The following ATP1B3 variants were observed in gnomAD, a reference collection of about 807,000 sequenced individuals.
The protein encoded by ATP1B3 is sodium/potassium-transporting ATPase subunit beta-3.
A neutral mutation model predicts 30.2 loss-of-function variants in ATP1B3; 10 were observed. That is an observed-to-expected ratio of 0.33 (90% CI 0.20 to 0.56). The LOEUF (loss-of-function observed/expected upper bound fraction) is 0.56. Among genes scored for constraint, ATP1B3 ranks in the 20% least tolerant of loss-of-function variants. The pLI is 0.90. For missense variants in ATP1B3, 238 were observed against 336.7 expected (o/e 0.71, Z 2.29); for synonymous variants, 113 against 117.0 (o/e 0.97, Z 0.22).
At chr3:141,889,545 A>T (rs1247485741) in intron 1 of ATP1B3, among the ~76,000 whole-genome samples, 2 of 151,832 alleles carry the variant, frequency 1.3e-5, no homozygotes, top group Non-Finnish European at 2.9e-5. Flanking sequence ...CCTGGCCAAC[A>T]TGGTGAAACC....
chr3:141,922,390 C>T (rs1047380783), intron 6 of ATP1B3, among the ~76,000 whole-genome samples: 8 of 151,520 alleles, frequency 5.3e-5, no homozygotes, highest in African/African-American at 1.9e-4. Context: ...CGGTGGCTTA[C>T]TCCTGTAATC....
chr3:141,911,323 A>G (rs1353613273), intron 3 of ATP1B3, among the ~76,000 whole-genome samples: 5 of 152,050 alleles, frequency 3.3e-5, no homozygotes, highest in African/African-American at 7.2e-5. Flanking sequence ...ACTGCTGTCA[A>G]TCCTTATGCC....
chr3:141,885,226 T>C (rs960302858), intron 1 of ATP1B3, among the ~76,000 whole-genome samples: 2 of 152,216 alleles, frequency 1.3e-5, no homozygotes, highest in Non-Finnish European at 2.9e-5. Flanking sequence ...ATATCCCCAT[T>C]ACTAGTACTA....
chr3:141,919,927 ACT>A (rs775255699), intron 5 of ATP1B3, among the ~76,000 whole-genome samples: 67 of 151,924 alleles, frequency 4.4e-4, no homozygotes, highest in Non-Finnish European at 9.1e-4. Flanking sequence ...CAACAGAGCA[ACT>A]CTGTCTCAAA....
chr3:141,879,622 A>C lies in ATP1B3; in HGVS notation c.109+2712A>C, dbSNP rs1933681077. 2.0e-5 allele frequency among the ~76,000 whole-genome samples: 3 copies of C among 151,720 alleles called. No homozygotes were observed. The South Asian group carries it at 6.3e-4, about 32-fold the overall frequency. ...CCCTGTCTCTACTAAAAATGAAAAAAAAAAAAATTAGCCGGGTGTGGTGGC... is the reference window on the plus strand; with the variant it reads ...CCCTGTCTCTACTAAAAATGAAAAACAAAAAAATTAGCCGGGTGTGGTGGC... On this transcript the variant is annotated intron_variant, in intron 1 of 6. Transcript: ENST00000286371.
intron 1 of ATP1B3, among the ~76,000 whole-genome samples, chr3:141,891,578 A>G (rs1933953984): frequency 6.6e-6 from 1 of 152,132 alleles, no homozygotes; most frequent in South Asian, 2.1e-4. Context: ...AATGTATTGA[A>G]TGGTTTTGGT....
chr3:141,894,768 T>C (rs1934028289), intron 1 of ATP1B3, among the ~76,000 whole-genome samples: 1 of 152,174 alleles, frequency 6.6e-6, no homozygotes, highest in Non-Finnish European at 1.5e-5. Flanking sequence ...TCCTGAAGGA[T>C]TGCCTGAGGC....
At chr3:141,915,651 ATAT>A (rs1486483790) in intron 4 of ATP1B3, among the ~76,000 whole-genome samples, 6 of 152,194 alleles carry the variant, frequency 3.9e-5, no homozygotes, top group South Asian at 2.1e-4. Context: ...GTTCATATAA[ATAT>A]TAATAATTAG....
intron 5 of ATP1B3, chr3:141,916,665 C>A: frequency 1.1e-6 from 1 of 943,388 alleles, no homozygotes; most frequent in Non-Finnish European, 1.4e-6. Context: ...AAATATTTTA[C>A]TTAGAATGTT....
chr3:141,906,381 T>C (rs777141917), intron 2 of ATP1B3, among the ~76,000 whole-genome samples: 29 of 152,304 alleles, frequency 1.9e-4, no homozygotes, highest in Non-Finnish European at 3.2e-4. Flanking sequence ...GGTTTCACTA[T>C]ATTGGCCAGG....
Position 141,925,771 on chromosome 3 carries a change from C to T in ATP1B3, c.*70C>T. 1 of 1,537,028 alleles carries T rather than the reference C, an allele frequency of 6.5e-7. No homozygotes were observed. The highest frequency in any genetic ancestry group is 2.3e-5 in the East Asian group (1 of 44,392). On this transcript the variant is annotated 3_prime_UTR_variant, in exon 7 of 7. Coordinates refer to ENST00000286371, the MANE Select transcript of ATP1B3 (RefSeq NM_001679.4). ...TTCATTTTGTAACAGCTGGACCTTC[C>T]ATTCTAGAATTATGAGACCACCTTG...
At chr3:141,915,651 A>G (rs577746661) in intron 4 of ATP1B3, among the ~76,000 whole-genome samples, 16 of 152,312 alleles carry the variant, frequency 1.1e-4, no homozygotes, top group African/African-American at 3.8e-4. Context: ...GTTCATATAA[A>G]TATTAATAAT....
intron 1 of ATP1B3, among the ~76,000 whole-genome samples, chr3:141,894,820 A>C (rs1577961347): frequency 1.3e-5 from 2 of 152,178 alleles, no homozygotes. Flanking sequence ...TACACTATAA[A>C]ATAACAACAA....
chr3:141,892,722 A>G (rs1244800944), intron 1 of ATP1B3, among the ~76,000 whole-genome samples: 2 of 152,022 alleles, frequency 1.3e-5, no homozygotes, highest in East Asian at 3.9e-4. Context: ...CTTATGTAAA[A>G]TACAAACACA....
chr3:141,924,276 AGAG>A (rs902316739), intron 6 of ATP1B3, among the ~76,000 whole-genome samples: 34 of 149,102 alleles, frequency 2.3e-4, no homozygotes, highest in African/African-American at 8.1e-4. Context: ...CCAGGAAGGC[AGAG>A]GTTGCAGTGA....
Position 141,889,744 on chromosome 3 carries a change from A to ATATAT in ATP1B3, c.109+12834_109+12835insTATAT, listed in dbSNP as rs1329331021. The stretch of plus-strand genomic sequence containing the variant: ...ACTCCGTCTCAAAAAAAAAAAAAAA[A>ATATAT]AAAAAAATATATACACACACACACA... On this transcript the variant is annotated intron_variant, in intron 1 of 6. Transcript: ENST00000286371. 5.6e-4 allele frequency among the ~76,000 whole-genome samples: 55 copies of ATATAT among 98,494 alleles called. 1 individual carries two copies. Among genetic ancestry groups the ATATAT allele is most frequent in the South Asian group, 2.5e-3 (8 of 3,246 alleles). The allele number at this position is 98,494 out of a possible 152,430, so 64.6% of individuals were successfully genotyped here. A position where few individuals can be genotyped will look rare whatever the true frequency, so the allele number is the denominator to read the frequency against.
chr3:141,922,134 T>C, intron 6 of ATP1B3, 71 bp downstream of exon 6: 1 of 912,970 alleles, frequency 1.1e-6, no homozygotes, highest in Non-Finnish European at 1.7e-6. Context: ...ACGTACCACT[T>C]GTCTGGGGTA....
intron 1 of ATP1B3, among the ~76,000 whole-genome samples, chr3:141,885,185 A>G (rs1284495661): frequency 6.6e-6 from 1 of 152,194 alleles, no homozygotes; most frequent in Admixed American, 6.5e-5. Context: ...ATTCAATAAC[A>G]TCGCTTGAAC....
chr3:141,876,790 C>G lies in ATP1B3; in HGVS notation c.-12C>G. On this transcript the variant is annotated 5_prime_UTR_variant, in exon 1 of 7. Transcript: ENST00000286371. ...CGCGGCCGCAGCTCCTCTCGCCGTCCGCGCGCACACCATGACGAAGAACGA... is the reference window on the plus strand; with the variant it reads ...CGCGGCCGCAGCTCCTCTCGCCGTCGGCGCGCACACCATGACGAAGAACGA... 6.3e-7 allele frequency: 1 copy of G among 1,586,762 alleles called. No individual in the cohort carries two copies. Among genetic ancestry groups the G allele is most frequent in the South Asian group, 1.1e-5 (1 of 89,660 alleles).
Sources: gnomAD v4.1 joint callset for allele counts (sites outside exome capture counted in the v4.1 genomes callset) on GRCh38, gnomAD v4.1.1 for gene constraint, MANE v1.5 for transcripts, NCBI Gene and HGNC (gene_info 2026-07-23, HGNC 2026-07-21) for gene names.